NCOA3: variants seen among roughly 807,000 people sequenced by gnomAD.
NCOA3 encodes the protein nuclear receptor coactivator 3.
In NCOA3, 51 loss-of-function variants were observed where a neutral mutation model predicts 158.8. That is an observed-to-expected ratio of 0.32 (90% CI 0.26 to 0.41). NCOA3 has a LOEUF of 0.41. NCOA3 is among the 10% of genes least tolerant of loss of function. NCOA3 has a pLI of 1.00. For synonymous variants in NCOA3, 537 were observed against 592.4 expected, an observed-to-expected ratio of 0.91 and a Z score of 1.36; for missense variants, 1,510 against 1,746.6, an observed-to-expected ratio of 0.86 and a Z score of 2.41.
rs74178746 is a variant in NCOA3 at position 47,570,931 on chromosome 20, A to AATATAT, written c.-98-12248_-98-12243dup. On this transcript the variant is annotated intron_variant, in intron 1 of 22. Transcript: ENST00000371998. ...ACCACGTGCACCGTTAATGAGCAGTAATATATATACACACACACACACACA... is the reference window on the plus strand; with the variant it reads ...ACCACGTGCACCGTTAATGAGCAGTAATATATATATATATACACACACACACACACA... Among the ~76,000 whole-genome samples the AATATAT allele has an allele frequency of 7.1e-3, 846 of 119,836 alleles. 12 individuals are homozygous for AATATAT. The highest frequency in any genetic ancestry group is 0.027 in the African/African-American group (805 of 29,970). The allele number at this position is 119,836 out of a possible 152,430, so 78.6% of individuals were successfully genotyped here. A position where few individuals can be genotyped will look rare whatever the true frequency, so the allele number is the denominator to read the frequency against.
intron 2 of NCOA3, among the ~76,000 whole-genome samples, chr20:47,615,148 T>C (rs992173324): frequency 6.6e-6 from 1 of 152,242 alleles, no homozygotes; most frequent in Non-Finnish European, 1.5e-5. Context: ...GGGACTATTA[T>C]AGTAATACAT....
intron 1 of NCOA3, among the ~76,000 whole-genome samples, chr20:47,552,854 G>A (rs2084944444): frequency 6.6e-6 from 1 of 151,786 alleles, no homozygotes; most frequent in Non-Finnish European, 1.5e-5. Flanking sequence ...TGAAATCAGA[G>A]ATGAGAAGCA....
At chr20:47,604,591 G>A (rs942643502) in intron 2 of NCOA3, among the ~76,000 whole-genome samples, 3 of 151,940 alleles carry the variant, frequency 2.0e-5, no homozygotes, top group East Asian at 1.9e-4. Context: ...TTTATCATTC[G>A]TAATGGCTTT....
chr20:47,502,421 G>A (rs2083949444), intron 1 of NCOA3, among the ~76,000 whole-genome samples: 2 of 152,250 alleles, frequency 1.3e-5, no homozygotes, highest in African/African-American at 4.8e-5. Flanking sequence ...TGCTGCCCCG[G>A]CTCCTTAGCA....
chr20:47,585,046 C>CTTTTTTTTTTTTTTTTTTT (rs11473989), intron 2 of NCOA3, among the ~76,000 whole-genome samples: 1 of 91,344 alleles, frequency 1.1e-5, no homozygotes, highest in East Asian at 3.4e-4. Context: ...CCTTTCTTAA[C>CTTTTTTTTTTTTTTTTTTT]TTTTTTTTTT....
At chr20:47,532,140 T>TGTGTGTGTGTGTGTGTGTGTG (rs2084557732) in intron 1 of NCOA3, among the ~76,000 whole-genome samples, 1 of 51,668 alleles carries the variant, frequency 1.9e-5, no homozygotes, top group African/African-American at 1.0e-4. Context: ...GTGTGTGTGT[T>TGTGTGTGTGTGTGTGTGTGTG]GCAGGGTTTA....
At chr20:47,583,432 G>A (rs1401968679) in intron 2 of NCOA3, among the ~76,000 whole-genome samples, 171 bp downstream of exon 2, 1 of 152,014 alleles carries the variant, frequency 6.6e-6, no homozygotes, top group African/African-American at 2.4e-5. Flanking sequence ...GAATACGTAT[G>A]TGTATGTACA....
chr20:47,543,193 T>TA (rs1289466430), intron 1 of NCOA3, among the ~76,000 whole-genome samples: 5 of 152,252 alleles, frequency 3.3e-5, no homozygotes, highest in African/African-American at 1.2e-4. Context: ...CTAAAGCTAC[T>TA]GCCAGAGCTA....
At position 47,633,578 on chromosome 20, in the gene NCOA3, G is replaced by C; in HGVS notation, c.906G>C (p.Gln302His). 2 of 1,614,068 alleles carry C rather than the reference G, an allele frequency of 1.2e-6. No homozygotes were observed. Among genetic ancestry groups the C allele is most frequent in the Non-Finnish European group, 1.7e-6 (2 of 1,179,948 alleles). The part of the protein sequence containing the change: ...GFEDIIRRCI[Q>H]RFFSLNDGQS... Reference sequence around the variant, plus strand: ...AAGATATAATCCGAAGGTGTATTCAGAGATTTTTTAGTCTAAATGATGGGC... The same window carrying C: ...AAGATATAATCCGAAGGTGTATTCACAGATTTTTTAGTCTAAATGATGGGC... Residue 302 changes from glutamine to histidine, a missense_variant, in exon 9 of 23, where the codon CAG becomes CAC. This residue lies in a region of NCOA3 where 309 missense variants were observed against 427.1 expected (regional missense o/e 0.72). Transcript: ENST00000371998.
At chr20:47,570,998 GTGTGTA>G (rs1301626475) in intron 1 of NCOA3, among the ~76,000 whole-genome samples, 12 of 142,794 alleles carry the variant, frequency 8.4e-5, no homozygotes, top group African/African-American at 1.3e-4. Context: ...GTGTGTGTGT[GTGTGTA>G]TATACATTTT....
chr20:47,506,254 A>G (rs903943208), intron 1 of NCOA3, among the ~76,000 whole-genome samples: 4 of 152,136 alleles, frequency 2.6e-5, no homozygotes, highest in African/African-American at 9.7e-5. Flanking sequence ...CATTTTGTCT[A>G]TCATTTTTCT....
chr20:47,631,443 C>G (rs573424792), intron 8 of NCOA3: 1 of 152,338 alleles, frequency 6.6e-6, no homozygotes, highest in South Asian at 2.1e-4. Flanking sequence ...GCCAACCACC[C>G]TAGTGCTGCT....
Position 47,651,092 on chromosome 20 carries a change from ACAGCAGCAGCAG to A in NCOA3, c.3780_3791del (p.Gln1273_Gln1276del), listed in dbSNP as rs3830809. ...TGATGCAGCAGCAGCAGCAGCAGCA[ACAGCAGCAGCAG>A]CAGCAGCAGCAGCAGCAACAGCAAC... On this transcript the variant is annotated inframe_deletion, in exon 20 of 23. Transcript: ENST00000371998. The A allele has an allele frequency of 4.5e-5, 66 of 1,461,422 alleles. No homozygotes were observed. The highest frequency in any genetic ancestry group is 1.7e-4 in the East Asian group (7 of 42,224). 90.5% of individuals were successfully genotyped at this position (1,461,422 alleles called of 1,614,324 possible). A position where few individuals can be genotyped will look rare whatever the true frequency, so the allele number is the denominator to read the frequency against.
intron 1 of NCOA3, among the ~76,000 whole-genome samples, chr20:47,519,200 C>T (rs980517324): frequency 6.7e-6 from 1 of 149,852 alleles, no homozygotes; most frequent in African/African-American, 2.5e-5. Flanking sequence ...TTTGGGAGGC[C>T]GAGGCGGGTG....
rs2086884273 is a variant in NCOA3, at chr20:47,656,744, A to AGC, written c.*3327_*3328insGC. ...ATCAAGTTTACATTATGTTGCTTAA[A>AGC]AAAATAGAAATTATTCTTTATCTTG... On this transcript the variant is annotated 3_prime_UTR_variant, in exon 23 of 23. Transcript: ENST00000371998. 6.6e-6 allele frequency: 1 copy of AGC among 152,636 alleles called. No individual in the cohort carries two copies. Among genetic ancestry groups the AGC allele is most frequent in the African/African-American group, 2.4e-5 (1 of 41,460 alleles). 9.5% of individuals were successfully genotyped at this position (152,636 alleles called of 1,614,324 possible). A position where few individuals can be genotyped will look rare whatever the true frequency, so the allele number is the denominator to read the frequency against.
chr20:47,637,068 A>C (rs1370813440), intron 12 of NCOA3, among the ~76,000 whole-genome samples: 1 of 152,142 alleles, frequency 6.6e-6, no homozygotes, highest in Non-Finnish European at 1.5e-5. Context: ...GAAAAAAAAA[A>C]CTTGTATTAA....
chr20:47,605,365 A>C lies in NCOA3; in HGVS notation c.-19-16864A>C, dbSNP rs150905724. On this transcript the variant is annotated intron_variant, in intron 2 of 22. Transcript: ENST00000371998. ...GATTCTAATTCTGAGATATTATTGC[A>C]ATGTTGGTGATATGCATTACTTAGG... is the stretch of plus-strand genomic sequence containing the variant. 9.1e-4 allele frequency among the ~76,000 whole-genome samples: 139 copies of C among 152,116 alleles called. 6 individuals carry two copies. The East Asian group carries it at 0.025, about 27-fold the overall frequency.
intron 2 of NCOA3, among the ~76,000 whole-genome samples, chr20:47,598,428 T>C (rs904533271): frequency 2.6e-5 from 4 of 151,912 alleles, no homozygotes; most frequent in Non-Finnish European, 5.9e-5. Context: ...CTCCACCTCC[T>C]GGGTTCACGC....
chr20:47,502,384 T>G (rs558552082), intron 1 of NCOA3, among the ~76,000 whole-genome samples: 1 of 152,244 alleles, frequency 6.6e-6, no homozygotes, highest in Non-Finnish European at 1.5e-5. Flanking sequence ...CCCCCAGCCC[T>G]TTTGAAAGCT....
Sources: allele counts gnomAD v4.1 joint callset (sites outside exome capture counted in the v4.1 genomes callset), GRCh38; gene constraint gnomAD v4.1.1; regional missense constraint gnomAD v4.1.1; transcripts MANE v1.5; gene names NCBI Gene and HGNC (gene_info 2026-07-23, HGNC 2026-07-21).